Variants in PHF21B observed in about 807,000 individuals in gnomAD.
The protein encoded by PHF21B is PHD finger protein 4.
Under a neutral mutation model 62.2 loss-of-function variants are expected in PHF21B, and 22 were observed. That is an observed-to-expected ratio of 0.35 (90% CI 0.25 to 0.51). PHF21B has a LOEUF of 0.51. Among genes scored for constraint, PHF21B ranks in the 20% least tolerant of loss-of-function variants. The pLI is 0.97. For missense variants in PHF21B, 701 were observed against 707.9 expected, an observed-to-expected ratio of 0.99 and a Z score of 0.11; for synonymous variants, 341 against 314.7, an observed-to-expected ratio of 1.08 and a Z score of -0.88.
At chr22:44,883,954 CCAT>C (rs1263660767) in intron 12 of PHF21B, among the ~76,000 whole-genome samples, 1 of 150,102 alleles carries the variant, frequency 6.7e-6, no homozygotes, top group Non-Finnish European at 1.5e-5. Flanking sequence ...ATCAACACCA[CCAT>C]CATCACCATT....
At chr22:44,925,738 C>T (rs1295263092) in intron 2 of PHF21B, among the ~76,000 whole-genome samples, 2 of 152,200 alleles carry the variant, frequency 1.3e-5, no homozygotes, top group Non-Finnish European at 2.9e-5. Context: ...TGATGCCCGC[C>T]TCCCCTAATG....
At chr22:44,953,406 G>T (rs573397185) in intron 2 of PHF21B, among the ~76,000 whole-genome samples, 1 of 152,292 alleles carries the variant, frequency 6.6e-6, no homozygotes, top group Admixed American at 6.5e-5. Context: ...ACCAGCCACA[G>T]GTTCCATCGG....
At position 44,886,242 on chromosome 22, in the gene PHF21B, T is replaced by C. The variant is rs144621610; in HGVS notation, c.1198-304A>G. On this transcript the variant is annotated intron_variant, in intron 10 of 12. Coordinates refer to ENST00000313237, the MANE Select transcript of PHF21B (RefSeq NM_138415.5). ...GTCTTCCTCCCACGTCCAGAAGACCTGAGGGCAGCGACCCCAGGCACGCCA... is the reference window on the plus strand; with the variant it reads ...GTCTTCCTCCCACGTCCAGAAGACCCGAGGGCAGCGACCCCAGGCACGCCA... Among the ~76,000 whole-genome samples, 277 of 152,094 alleles carry C rather than the reference T, an allele frequency of 1.8e-3. 1 individual carries two copies. The highest frequency in any genetic ancestry group is 6.1e-3 in the African/African-American group (253 of 41,472).
At chr22:44,943,426 T>C (rs1272439039) in intron 2 of PHF21B, among the ~76,000 whole-genome samples, 2 of 152,128 alleles carry the variant, frequency 1.3e-5, no homozygotes, top group Non-Finnish European at 2.9e-5. Context: ...CCCAGGGAAG[T>C]ACCAGGGAAT....
At chr22:44,932,415 C>A (rs1291060833) in intron 2 of PHF21B, among the ~76,000 whole-genome samples, 2 of 152,196 alleles carry the variant, frequency 1.3e-5, no homozygotes, top group East Asian at 3.8e-4. Flanking sequence ...CAACCTGGGC[C>A]CTTGGATCTG....
intron 5 of PHF21B, among the ~76,000 whole-genome samples, chr22:44,905,026 C>A (rs1390193859): frequency 2.0e-5 from 3 of 152,124 alleles, no homozygotes; most frequent in African/African-American, 7.2e-5. Flanking sequence ...TCTCTAGCCT[C>A]CTAGATTTGC....
At chr22:44,896,563 C>T (rs754717705) in intron 5 of PHF21B, among the ~76,000 whole-genome samples, 46 of 152,210 alleles carry the variant, frequency 3.0e-4, no homozygotes, top group Non-Finnish European at 5.6e-4. Flanking sequence ...TCACATAACA[C>T]GTCACTGGTT....
intron 3 of PHF21B, among the ~76,000 whole-genome samples, chr22:44,917,313 T>C (rs999022477): frequency 6.6e-6 from 1 of 152,180 alleles, no homozygotes; most frequent in Non-Finnish European, 1.5e-5. Context: ...TGAGACTTAC[T>C]GGGGTTCGGA....
intron 5 of PHF21B, chr22:44,902,224 G>A: frequency 5.1e-6 from 1 of 198,016 alleles, no homozygotes; most frequent in East Asian, 1.5e-4. Context: ...AGCAGCAGCT[G>A]CAGAACCCCA....
chr22:44,960,479 C>A (rs1427464601), intron 2 of PHF21B, among the ~76,000 whole-genome samples: 3 of 152,238 alleles, frequency 2.0e-5, no homozygotes, highest in African/African-American at 7.2e-5. Context: ...TCACTGCTGT[C>A]TGCACCCATA....
chr22:44,983,800 G>A (rs2072885257), intron 2 of PHF21B, among the ~76,000 whole-genome samples: 1 of 152,136 alleles, frequency 6.6e-6, no homozygotes, highest in South Asian at 2.1e-4. Context: ...TAAACTCCAG[G>A]GTAGTCCTCT....
intron 2 of PHF21B, among the ~76,000 whole-genome samples, chr22:45,005,767 A>G (rs1241957972): frequency 1.3e-5 from 2 of 152,216 alleles, no homozygotes; most frequent in Admixed American, 6.5e-5. Flanking sequence ...TCCAGCACAG[A>G]AAACATCTCT....
At chr22:44,936,491 C>T (rs896561236) in intron 2 of PHF21B, among the ~76,000 whole-genome samples, 14 of 152,342 alleles carry the variant, frequency 9.2e-5, no homozygotes, top group East Asian at 7.7e-4. Context: ...CACCTGGATG[C>T]CTCGCTGCCC....
At chr22:45,003,508 G>C (rs975942153) in intron 2 of PHF21B, 1 of 152,396 alleles carries the variant, frequency 6.6e-6, no homozygotes, top group African/African-American at 2.4e-5. Context: ...TGCCCCGCAG[G>C]AGCGAGGAGG....
intron 2 of PHF21B, among the ~76,000 whole-genome samples, chr22:44,995,363 C>T (rs192991747): frequency 4.6e-5 from 7 of 152,208 alleles, no homozygotes; most frequent in South Asian, 2.1e-4. Flanking sequence ...CAGCAGAACA[C>T]GTTAATAAAA....
chr22:44,887,627 C>T (rs767897053), intron 10 of PHF21B, among the ~76,000 whole-genome samples: 7 of 151,384 alleles, frequency 4.6e-5, no homozygotes, highest in African/African-American at 1.2e-4. Context: ...TGGTGGTGGG[C>T]GCCTATAACC....
At chr22:44,933,534 A>T (rs1196433651) in intron 2 of PHF21B, 11 of 985,488 alleles carry the variant, frequency 1.1e-5, no homozygotes, top group Non-Finnish European at 1.3e-5. Flanking sequence ...GAAACAGACC[A>T]GAAGTGAGCA....
intron 5 of PHF21B, chr22:44,901,680 T>G (rs550479878): frequency 1.9e-6 from 1 of 515,454 alleles, no homozygotes; most frequent in African/African-American, 2.0e-5. Context: ...ACCTCAAAGC[T>G]AAAAAGCCCA....
chr22:44,884,592 A>T (rs552520037), intron 12 of PHF21B, among the ~76,000 whole-genome samples: 1 of 151,868 alleles, frequency 6.6e-6, no homozygotes, highest in African/African-American at 2.4e-5. Context: ...GATCAGCACC[A>T]TCAACACCAC....
Sources: allele counts gnomAD v4.1 joint callset (sites outside exome capture counted in the v4.1 genomes callset), GRCh38; gene constraint gnomAD v4.1.1; transcripts MANE v1.5; gene names NCBI Gene and HGNC (gene_info 2026-07-23, HGNC 2026-07-21).